PCDH15: variants seen among roughly 807,000 people sequenced by gnomAD.
The protein encoded by PCDH15 is protocadherin-15.
Under a neutral mutation model 178.5 loss-of-function variants are expected in PCDH15, and 129 were observed. That is an observed-to-expected ratio of 0.72 (90% CI 0.63 to 0.84). The LOEUF (loss-of-function observed/expected upper bound fraction) is 0.84. Ranked by LOEUF, PCDH15 falls within the 40% of genes least tolerant of loss-of-function variation. PCDH15 has a pLI of 0.00. For synonymous variants in PCDH15, 800 were observed against 732.0 expected, an observed-to-expected ratio of 1.09 and a Z score of -1.50; for missense variants, 2,230 against 2,099.9, an observed-to-expected ratio of 1.06 and a Z score of -1.21.
intron 1 of PCDH15, among the ~76,000 whole-genome samples, chr10:55,247,337 T>C (rs1841702524): frequency 6.6e-6 from 1 of 152,218 alleles, no homozygotes; most frequent in South Asian, 2.1e-4. Context: ...ACTATTTATT[T>C]AATGTAAATT....
chr10:53,823,741 G>T lies in PCDH15; in HGVS notation c.4368-3511C>A, dbSNP rs1325951419. On this transcript the variant is annotated intron_variant, in intron 32 of 37. Transcript: ENST00000644397. ...TTGCAGAACACCATCCTTGCCTGAG[G>T]ATGCTCAGGGCTGCCTGTTACGCAT... 4 of 443,832 alleles carry T rather than the reference G, an allele frequency of 9.0e-6. No individual in the cohort carries two copies. The Admixed American group carries it at 9.6e-5, about 11-fold the overall frequency. The allele number at this position is 443,832 out of a possible 1,614,324, so 27.5% of individuals were successfully genotyped here.
At chr10:54,565,363 C>T (rs1034700069) in intron 2 of PCDH15, among the ~76,000 whole-genome samples, 1 of 152,166 alleles carries the variant, frequency 6.6e-6, no homozygotes, top group African/African-American at 2.4e-5. Context: ...TGTGAATCAA[C>T]CTCTGGTCCT....
At chr10:54,218,081 G>A (rs1235319447) in intron 9 of PCDH15, among the ~76,000 whole-genome samples, 2 of 152,222 alleles carry the variant, frequency 1.3e-5, no homozygotes, top group Non-Finnish European at 2.9e-5. Flanking sequence ...GAAATATTTT[G>A]TAAATTAGAA....
chr10:55,061,109 A>G (rs756382993), intron 2 of PCDH15, among the ~76,000 whole-genome samples: 2 of 152,166 alleles, frequency 1.3e-5, no homozygotes, highest in African/African-American at 4.8e-5. Context: ...TCTGTTCTCC[A>G]TAAGACAATG....
In PCDH15 at chr10:55,520,032, T is replaced by C. The variant is rs893889674; in HGVS notation, c.-156+107593A>G. ...GACATGTTTATAAGGCATATATATATGCCATATATATACATATATATATAT... is the reference window on the plus strand; with the variant it reads ...GACATGTTTATAAGGCATATATATACGCCATATATATACATATATATATAT... On this transcript the variant is annotated intron_variant, in intron 2 of 5. Coordinates refer to the PCDH15 transcript ENST00000613346. Among the ~76,000 whole-genome samples the C allele has an allele frequency of 1.0e-3, 150 of 146,538 alleles. 1 individual carries two copies. Among genetic ancestry groups the C allele is most frequent in the African/African-American group, 3.5e-3 (143 of 40,330 alleles).
At chr10:54,288,430 G>A (rs181622447) in intron 8 of PCDH15, among the ~76,000 whole-genome samples, 5 of 152,098 alleles carry the variant, frequency 3.3e-5, no homozygotes, top group African/African-American at 7.2e-5. Context: ...GAACAGCTCC[G>A]GTCTGCAGCT....
At chr10:55,027,755 C>T (rs950050151) in intron 2 of PCDH15, among the ~76,000 whole-genome samples, 14 of 151,706 alleles carry the variant, frequency 9.2e-5, no homozygotes, top group African/African-American at 3.1e-4. Flanking sequence ...GTTTATAATT[C>T]TTGTTCAATT....
chr10:55,031,758 T>C (rs1840615853), intron 2 of PCDH15, among the ~76,000 whole-genome samples: 2 of 152,300 alleles, frequency 1.3e-5, no homozygotes, highest in South Asian at 2.1e-4. Flanking sequence ...CATGTGAGGA[T>C]ACAGTGTTCC....
chr10:55,241,192 G>T (rs1452778229), intron 1 of PCDH15, among the ~76,000 whole-genome samples: 1 of 152,032 alleles, frequency 6.6e-6, no homozygotes. Context: ...CTCCAGCCTG[G>T]GCGACAGAGC....
rs34011482 is a variant in PCDH15, at chr10:53,977,323, T to TAA, written c.2869-15433_2869-15432dup. 9.3e-3 allele frequency among the ~76,000 whole-genome samples: 1,410 copies of TAA among 151,944 alleles called. 12 individuals carry two copies. The highest frequency in any genetic ancestry group is 0.017 in the Middle Eastern group (5 of 294). ...TAACACTAATGATAGCTGAAAGCTTTAAAAAAAATCACAAATAAACCTCAT... is the reference window on the plus strand; with the variant it reads ...TAACACTAATGATAGCTGAAAGCTTTAAAAAAAAAATCACAAATAAACCTCAT... On this transcript the variant is annotated intron_variant, in intron 21 of 37. Coordinates refer to ENST00000644397, the MANE Select transcript of PCDH15 (RefSeq NM_001384140.1).
intron 2 of PCDH15, among the ~76,000 whole-genome samples, chr10:55,043,466 T>G (rs1006072882): frequency 3.9e-5 from 6 of 152,088 alleles, no homozygotes; most frequent in Admixed American, 3.9e-4. Context: ...CTCAGAACTT[T>G]GGAGGACCCA....
At chr10:54,727,638 A>G (rs1415595125) in intron 1 of PCDH15, among the ~76,000 whole-genome samples, 1 of 151,556 alleles carries the variant, frequency 6.6e-6, no homozygotes, top group African/African-American at 2.4e-5. Flanking sequence ...ACCATACTGA[A>G]GACCAACAAA....
intron 30 of PCDH15, among the ~76,000 whole-genome samples, chr10:53,829,035 A>C: frequency 6.6e-6 from 1 of 152,274 alleles, no homozygotes; most frequent in East Asian, 1.9e-4. Context: ...TTGGGTAATA[A>C]ATTTATGACA....
Position 53,827,441 on chromosome 10 carries a change from G to A in PCDH15, c.4319C>T (p.Pro1440Leu), listed in dbSNP as rs764173741. The change falls in exon 32 of 38, where the codon CCG becomes CTG. Residue 1440 changes from proline (P) to leucine (L), a missense_variant. Pro to Leu is a moderately conservative substitution (Grantham distance 98, BLOSUM62 -3). Transcript: ENST00000644397. ...ATAGAGATGCGCACCTGGCGGAGGC[G>A]GCGGCGGCGGCGGGGGCGCTGCCAC... ...APVAAPPPPP[P>L]PPPGAHLYEE... 6.2e-6 allele frequency: 10 copies of A among 1,612,842 alleles called. No individual in the cohort carries two copies. Among genetic ancestry groups the A allele is most frequent in the African/African-American group, 5.3e-5 (4 of 74,878 alleles).
intron 13 of PCDH15, among the ~76,000 whole-genome samples, chr10:54,154,424 C>T (rs1243406931): frequency 5.3e-5 from 8 of 152,114 alleles, no homozygotes; most frequent in African/African-American, 1.9e-4. Flanking sequence ...ATTTTCAATA[C>T]ATTACTTCTA....
intron 2 of PCDH15, among the ~76,000 whole-genome samples, chr10:55,515,849 T>C (rs1025385902): frequency 2.0e-5 from 3 of 152,172 alleles, no homozygotes; most frequent in African/African-American, 7.2e-5. Context: ...TATTACTCTC[T>C]GTAAGGCTTC....
chr10:54,748,611 G>A (rs548784160), intron 1 of PCDH15, among the ~76,000 whole-genome samples: 1 of 152,252 alleles, frequency 6.6e-6, no homozygotes, highest in South Asian at 2.1e-4. Context: ...TCCCTTTACA[G>A]GATTGATTTC....
intron 1 of PCDH15, among the ~76,000 whole-genome samples, chr10:54,675,302 G>A (rs2135555847): frequency 6.6e-6 from 1 of 151,872 alleles, no homozygotes; most frequent in South Asian, 2.1e-4. Context: ...TATGTCCCTT[G>A]GGGATGGGGA....
chr10:54,927,400 T>C (rs2131849563), intron 2 of PCDH15, among the ~76,000 whole-genome samples: 1 of 152,124 alleles, frequency 6.6e-6, no homozygotes, highest in African/African-American at 2.4e-5. Context: ...ATAAGAAAAA[T>C]GTATATTTTG....
Sources: allele counts gnomAD v4.1 joint callset (sites outside exome capture counted in the v4.1 genomes callset), GRCh38; gene constraint gnomAD v4.1.1; transcripts MANE v1.5; gene names NCBI Gene and HGNC (gene_info 2026-07-23, HGNC 2026-07-21).